The following PRRC2B variants were observed in gnomAD, a reference collection of about 807,000 sequenced individuals.
The protein encoded by PRRC2B is proline rich coiled-coil 2B, also known as protein PRRC2B.
Under a neutral mutation model 242.3 loss-of-function variants are expected in PRRC2B, and 68 were observed. The ratio of observed to expected loss-of-function variants is 0.28; its 90% CI spans 0.23 to 0.34. PRRC2B has a LOEUF of 0.34. Ranked by LOEUF, PRRC2B falls within the 10% of genes least tolerant of loss-of-function variation. PRRC2B has a pLI of 1.00. For synonymous variants in PRRC2B, 1,228 were observed against 1,173.6 expected (o/e 1.05, Z -0.95); for missense variants, 2,835 against 2,954.8 (o/e 0.96, Z 0.94).
intron 3 of PRRC2B, among the ~76,000 whole-genome samples, chr9:131,434,739 G>C (rs1199049102): frequency 6.6e-6 from 1 of 152,162 alleles, no homozygotes; most frequent in African/African-American, 2.4e-5. Flanking sequence ...CCACCAGGGG[G>C]GTGGCTGCCC....
At chr9:131,478,642 G>GCTGGGGGGGGGGCC in intron 18 of PRRC2B, 23 bp downstream of exon 18, 1 of 482,040 alleles carries the variant, frequency 2.1e-6, no homozygotes. Context: ...GGGTGGGGGG[G>GCTGGGGGGGGGGCC]CATGGGGCTG....
chr9:131,415,493 G>T (rs1320056278), intron 1 of PRRC2B, among the ~76,000 whole-genome samples: 1 of 152,236 alleles, frequency 6.6e-6, no homozygotes, highest in Non-Finnish European at 1.5e-5. Context: ...AGAATTAACT[G>T]CTGGGTAGGC....
intron 1 of PRRC2B, among the ~76,000 whole-genome samples, chr9:131,399,146 A>G (rs1014318956): frequency 1.3e-5 from 2 of 150,834 alleles, no homozygotes; most frequent in Admixed American, 6.6e-5. Context: ...TGCCGTGGCG[A>G]GTGCCTGTAG....
At position 131,447,069 on chromosome 9, in the gene PRRC2B, T is replaced by G; in HGVS notation, c.856-16T>G. 1 of 1,613,960 alleles carries G rather than the reference T, an allele frequency of 6.2e-7. No individual in the cohort carries two copies. The highest frequency in any genetic ancestry group is 1.1e-5 in the South Asian group (1 of 91,074). On this transcript the variant is annotated splice_polypyrimidine_tract_variant and intron_variant, in intron 7 of 31. Coordinates refer to ENST00000683519, the MANE Select transcript of PRRC2B (RefSeq NM_013318.4). ...GCCATTACCAGCAAATCCTGTTCAT[T>G]GATGTTATGTTTCAGATGTGTTCGC...
intron 1 of PRRC2B, among the ~76,000 whole-genome samples, chr9:131,411,948 T>C (rs1837518472): frequency 6.7e-6 from 1 of 150,188 alleles, no homozygotes; most frequent in Non-Finnish European, 1.5e-5. Flanking sequence ...TCCAGGCATG[T>C]GCCACCACAC....
chr9:131,481,697 G>A (rs1943874082), intron 19 of PRRC2B, 29 bp from the exon 20 acceptor site: 2 of 1,536,090 alleles, frequency 1.3e-6, no homozygotes, highest in Non-Finnish European at 8.8e-7. Flanking sequence ...GCTCTTTGAT[G>A]CCCTGACTCT....
intron 19 of PRRC2B, among the ~76,000 whole-genome samples, 195 bp from the exon 20 acceptor site, chr9:131,481,511 GAGGATGTGGAAAGTTGGGTA>G (rs1943866450): frequency 6.6e-6 from 1 of 151,964 alleles, no homozygotes; most frequent in South Asian, 2.1e-4. Flanking sequence ...CACGTTGGGT[GAGGATGTGGAAAGTTGGGTA>G]AGGCTGTCAG....
rs1588271112 is a variant in PRRC2B, at chr9:131,470,824, T to G, written c.1948T>G (p.Tyr650Asp). 1 of 1,612,546 alleles carries G rather than the reference T, an allele frequency of 6.2e-7. No homozygotes were observed. The highest frequency in any genetic ancestry group is 8.5e-7 in the Non-Finnish European group (1 of 1,179,138). ...LYKMQHWQPV[Y>D]PPPSHPQRTF... ...CAAGATGCAGCACTGGCAGCCGGTG[T>G]ACCCCCCGCCGTCCCACCCCCAGCG... Residue 650 changes from tyrosine to aspartate, a missense_variant, in exon 14 of 32, where the codon TAC (tyrosine) becomes GAC (aspartate). Transcript: ENST00000683519.
At chr9:131,437,324 G>A (rs987044531) in intron 4 of PRRC2B, among the ~76,000 whole-genome samples, 6 of 152,160 alleles carry the variant, frequency 3.9e-5, no homozygotes, top group African/African-American at 7.2e-5. Flanking sequence ...TGGGAAATAC[G>A]AAGCTACAAT....
In PRRC2B at chr9:131,475,452, G is replaced by A. The variant is rs375959517; in HGVS notation, c.3323G>A (p.Arg1108His). The change falls in exon 16 of 32, where the codon CGT (arginine) becomes CAT (histidine). Residue 1108 changes from arginine (R) to histidine (H), a missense_variant. By Grantham distance (29) the Arg-to-His change is conservative. Around this residue, in one of 7 missense-constraint regions of PRRC2B, gnomAD observed 1,536 missense variants for 1,483.1 expected, o/e 1.04. Coordinates refer to ENST00000683519, the MANE Select transcript of PRRC2B (RefSeq NM_013318.4). The stretch of plus-strand genomic sequence containing the variant: ...TACTGCAGCAGTCAGCGCAGCGGCC[G>A]TGGCCGGGGCCTGCGAGAGTTTGCG... ...SIYCSSQRSG[R>H]GRGLREFARP... 5.7e-6 allele frequency: 9 copies of A among 1,583,374 alleles called. No individual in the cohort carries two copies. The highest frequency in any genetic ancestry group is 3.6e-5 in the Admixed American group (2 of 55,584).
In PRRC2B at chr9:131,485,637, G is replaced by A. The variant is rs750459896; in HGVS notation, c.5759-448G>A. 3.0e-5 allele frequency: 16 copies of A among 534,178 alleles called. 1 individual carries two copies. Among genetic ancestry groups the A allele is most frequent in the African/African-American group, 9.5e-5 (5 of 52,790 alleles). The allele number at this position is 534,178 out of a possible 1,614,324, so 33.1% of individuals were successfully genotyped here. A position where few individuals can be genotyped will look rare whatever the true frequency, so the allele number is the denominator to read the frequency against. On this transcript the variant is annotated intron_variant, in intron 25 of 31. Coordinates refer to ENST00000683519, the MANE Select transcript of PRRC2B (RefSeq NM_013318.4). ...TGTGCCAGTGTCCCCAAGGGGAAGC[G>A]TGGGGGTTTTGAGGGCCCAGCTGCC...
rs764620317 is a variant in PRRC2B at position 131,447,103 on chromosome 9, T to G, written c.874T>G (p.Ser292Ala). The change falls in exon 8 of 32, where the codon TCA becomes GCA. Residue 292 changes from serine (S) to alanine (A), a missense_variant. Ser to Ala is a moderately conservative substitution (Grantham distance 99). Transcript: ENST00000683519. ...LPAFMCSPKS[S>A]ENQGTVERGS... ...GTTTCAGATGTGTTCGCCGAAGTCA[T>G]CAGAAAACCAGGGTACAGTGGAACG... 1.2e-6 allele frequency: 2 copies of G among 1,614,042 alleles called. No homozygotes were observed. Among genetic ancestry groups the G allele is most frequent in the African/African-American group, 2.7e-5 (2 of 75,050 alleles).
At position 131,447,862 on chromosome 9, in the gene PRRC2B, C is replaced by A. The variant is rs188327282; in HGVS notation, c.1120+58C>A. The A allele has an allele frequency of 1.8e-5, 28 of 1,525,192 alleles. No individual in the cohort carries two copies. The Admixed American group carries it at 2.9e-4, about 16-fold the overall frequency. The allele number at this position is 1,525,192 out of a possible 1,614,324, so 94.5% of individuals were successfully genotyped here. A position where few individuals can be genotyped will look rare whatever the true frequency, so the allele number is the denominator to read the frequency against. On this transcript the variant is annotated intron_variant, in intron 9 of 31. Coordinates refer to ENST00000683519, the MANE Select transcript of PRRC2B (RefSeq NM_013318.4). Reference sequence around the variant, plus strand: ...CAGGACCAAAGTCCATATGTACTTACCAGGGATGGAAACCCCCTGGCACCA... The same window carrying A: ...CAGGACCAAAGTCCATATGTACTTAACAGGGATGGAAACCCCCTGGCACCA...
intron 5 of PRRC2B, among the ~76,000 whole-genome samples, chr9:131,441,002 T>C (rs927638677): frequency 2.0e-5 from 3 of 151,336 alleles, no homozygotes; most frequent in South Asian, 2.1e-4. Flanking sequence ...TTGGGAGGCT[T>C]GAGGCAGGAG....
intron 1 of PRRC2B, among the ~76,000 whole-genome samples, chr9:131,405,206 G>A (rs957241376): frequency 1.3e-5 from 2 of 152,148 alleles, no homozygotes; most frequent in African/African-American, 2.4e-5. Flanking sequence ...GTGCAGAAGC[G>A]GCCACTGGAG....
In PRRC2B at chr9:131,387,291, G is replaced by A. The variant is rs1240611092; in HGVS notation, c.-56+13560G>A. ...GCTGGGATTACAGGCGTGAGCCACC[G>A]CGCCCGGCCACCTGTCTCTCTCTCT... is the stretch of plus-strand genomic sequence containing the variant. On this transcript the variant is annotated intron_variant, in intron 1 of 1. Coordinates refer to the PRRC2B transcript ENST00000682525. Among the ~76,000 whole-genome samples the A allele has an allele frequency of 2.7e-5, 4 of 150,012 alleles. 1 individual carries two copies. Among genetic ancestry groups the A allele is most frequent in the Non-Finnish European group, 5.9e-5 (4 of 67,426 alleles).
chr9:131,424,715 G>T (rs1837935804), intron 1 of PRRC2B, among the ~76,000 whole-genome samples: 1 of 151,968 alleles, frequency 6.6e-6, no homozygotes, highest in Non-Finnish European at 1.5e-5. Context: ...AAAGATGGAG[G>T]GCATTAAAGA....
At position 131,477,946 on chromosome 9, in the gene PRRC2B, G is replaced by A. The variant is rs1345510897; in HGVS notation, c.4609G>A (p.Gly1537Arg). The change falls in exon 17 of 32, where the codon GGA becomes AGA. Residue 1537 changes from glycine (G) to arginine (R), a missense_variant. Around this residue, in one of 7 missense-constraint regions of PRRC2B, gnomAD observed 1,536 missense variants for 1,483.1 expected, o/e 1.04. Transcript: ENST00000683519. The stretch of plus-strand genomic sequence containing the variant: ...CATGAAACAGTTTGACCTGAACTAT[G>A]GAAGTAAGTCATCCTCATATCTTCA... Reference protein sequence around the residue: ...EAMKQFDLNYGSAIIENCGSS... With the variant: ...EAMKQFDLNYRSAIIENCGSS... 1.9e-6 allele frequency: 3 copies of A among 1,613,532 alleles called. No homozygotes were observed. The highest frequency in any genetic ancestry group is 1.1e-5 in the South Asian group (1 of 91,074).
At chr9:131,460,793 A>G (rs1943221020) in intron 11 of PRRC2B, among the ~76,000 whole-genome samples, 1 of 151,902 alleles carries the variant, frequency 6.6e-6, no homozygotes, top group African/African-American at 2.4e-5. Context: ...TCCCGGATGC[A>G]TGACCTGTCT....
Sources: allele counts gnomAD v4.1 joint callset (sites outside exome capture counted in the v4.1 genomes callset), GRCh38; gene constraint gnomAD v4.1.1; regional missense constraint gnomAD v4.1.1; transcripts MANE v1.5; gene names NCBI Gene and HGNC (gene_info 2026-07-23, HGNC 2026-07-21).